SRSF12: variants seen among roughly 807,000 people sequenced by gnomAD.
The protein encoded by SRSF12 is serine/arginine-rich splicing factor 12.
SRSF12 carries 21 observed loss-of-function variants against 34.1 expected under a neutral mutation model. The observed-to-expected ratio is 0.62, with a 90% CI of 0.44 to 0.89. The LOEUF (loss-of-function observed/expected upper bound fraction) is 0.89, where lower values mean the gene tolerates loss of function less well. Ranked by LOEUF, SRSF12 falls within the 40% of genes least tolerant of loss-of-function variation. The pLI is 0.00. For missense variants in SRSF12, 278 were observed against 327.8 expected, an observed-to-expected ratio of 0.85 and a Z score of 1.17; for synonymous variants, 111 against 110.8, an observed-to-expected ratio of 1.00 and a Z score of -0.01.
intron 2 of SRSF12, chr6:89,105,752 AAAAC>A (rs1209243380): frequency 3.3e-6 from 1 of 306,576 alleles, no homozygotes; most frequent in African/African-American, 2.2e-5. Flanking sequence ...TAAAAAGAAC[AAAAC>A]AAACATGTAA....
chr6:89,115,786 G>A (rs976217558), intron 1 of SRSF12, among the ~76,000 whole-genome samples: 7 of 139,566 alleles, frequency 5.0e-5, no homozygotes, highest in South Asian at 2.6e-4. Flanking sequence ...ACAGGCACCC[G>A]CCACCACGCC....
In SRSF12 at chr6:89,107,160, T is replaced by G; in HGVS notation, c.164A>C (p.Tyr55Ser). The G allele has an allele frequency of 6.2e-7, 1 of 1,613,842 alleles. No individual in the cohort carries two copies. The highest frequency in any genetic ancestry group is 8.5e-7 in the Non-Finnish European group (1 of 1,179,814). Residue 55 changes from tyrosine (Y) to serine (S), a missense_variant, in exon 2 of 5, where the codon TAT becomes TCT. Physicochemically the swap from Tyr to Ser is moderately radical, Grantham distance 144. Transcript: ENST00000452027. The part of the protein sequence containing the change: ...FYTRRPRGFA[Y>S]VQFEDVRDAE... ...ACAATAAAATAAAGGATATTGAACATAAGCAAATCCTCTTGGGCGGCGAGT... is the reference window on the plus strand; with the variant it reads ...ACAATAAAATAAAGGATATTGAACAGAAGCAAATCCTCTTGGGCGGCGAGT...
At position 89,116,183 on chromosome 6, in the gene SRSF12, T is replaced by G. The variant is rs78110365; in HGVS notation, c.65+1640A>C. Among the ~76,000 whole-genome samples, 699 of 152,354 alleles carry G rather than the reference T, an allele frequency of 4.6e-3. 1 individual carries two copies. The highest frequency in any genetic ancestry group is 0.016 in the African/African-American group (673 of 41,582). ...CACCATCCTACTGTGCCTTATAGGC[T>G]GGCAGCTTCACTCGTTTATATTACC... On this transcript the variant is annotated intron_variant, in intron 1 of 4. Transcript: ENST00000452027.
chr6:89,103,985 A>G (rs911070022), intron 4 of SRSF12, among the ~76,000 whole-genome samples: 4 of 111,904 alleles, frequency 3.6e-5, no homozygotes, highest in East Asian at 5.6e-4. Flanking sequence ...GGATTTTATT[A>G]TATTTCTTTT....
Position 89,117,750 on chromosome 6 carries a change from C to T in SRSF12, c.65+73G>A, listed in dbSNP as rs1769381118. The T allele has an allele frequency of 7.0e-6, 10 of 1,435,132 alleles. No individual in the cohort carries two copies. In the East Asian group the frequency reaches 2.5e-4, roughly 35 times the overall value. 88.9% of individuals were successfully genotyped at this position (1,435,132 alleles called of 1,614,324 possible). On this transcript the variant is annotated intron_variant, in intron 1 of 4. Transcript: ENST00000452027. ...GCTCCCCCGAGCCTCCGCCGGGCCT[C>T]GGCCGTGCTCCGCGGCGCGGCTGTT... is the stretch of plus-strand genomic sequence containing the variant.
chr6:89,101,109 CAA>C (rs764910655), intron 4 of SRSF12, among the ~76,000 whole-genome samples: 7,747 of 54,574 alleles, frequency 0.14, 557 homozygotes, highest in African/African-American at 0.33. Flanking sequence ...ACCTCCAAGA[CAA>C]AAAAAAAAAA....
intron 1 of SRSF12, among the ~76,000 whole-genome samples, chr6:89,112,161 C>T (rs1461639108): frequency 6.6e-6 from 1 of 152,102 alleles, no homozygotes; most frequent in Non-Finnish European, 1.5e-5. Flanking sequence ...GGTGAACCGC[C>T]CGCCTCGGCC....
At chr6:89,116,632 G>A (rs185366863) in intron 1 of SRSF12, among the ~76,000 whole-genome samples, 2 of 152,068 alleles carry the variant, frequency 1.3e-5, no homozygotes, top group East Asian at 1.9e-4. Flanking sequence ...AAAATTAGCC[G>A]GGTGTGGTGG....
chr6:89,115,405 C>A (rs890005337), intron 1 of SRSF12, among the ~76,000 whole-genome samples: 3 of 152,050 alleles, frequency 2.0e-5, no homozygotes, highest in Non-Finnish European at 4.4e-5. Context: ...GCCTCAGTCT[C>A]CTGAGTAGCT....
chr6:89,107,352 A>C lies in SRSF12; in HGVS notation c.66-94T>G. ...CCACTTGAAACCTTCAAAAGAAAGA[A>C]CATCATCTAGACCAGCATTATCTAA... is the stretch of plus-strand genomic sequence containing the variant. On this transcript the variant is annotated intron_variant, in intron 1 of 4. Coordinates refer to ENST00000452027, the MANE Select transcript of SRSF12 (RefSeq NM_080743.5). 5 of 883,130 alleles carry C rather than the reference A, an allele frequency of 5.7e-6. No homozygotes were observed. The Middle Eastern group carries it at 1.0e-3, about 183-fold the overall frequency. 54.7% of individuals were successfully genotyped at this position (883,130 alleles called of 1,614,324 possible). A position where few individuals can be genotyped will look rare whatever the true frequency, so the allele number is the denominator to read the frequency against.
intron 2 of SRSF12, chr6:89,105,777 AGT>A: frequency 4.0e-6 from 1 of 249,698 alleles, no homozygotes; most frequent in Non-Finnish European, 7.6e-6. Flanking sequence ...CTGTACTTTT[AGT>A]GTCTACAATA....
rs1440581499 is a variant in SRSF12, at chr6:89,099,029, T to C, written c.417-82A>G. On this transcript the variant is annotated intron_variant, in intron 4 of 4. Transcript: ENST00000452027. ...ATAACACTTTCAGGAACTTACATAC[T>C]TTACATAACATTAGTTATATTTTTA... 3 of 1,436,758 alleles carry C rather than the reference T, an allele frequency of 2.1e-6. No homozygotes were observed. In the African/African-American group the frequency reaches 4.3e-5, roughly 21 times the overall value. The allele number at this position is 1,436,758 out of a possible 1,614,324, so 89.0% of individuals were successfully genotyped here.
Position 89,098,045 on chromosome 6 carries a change from T to C in SRSF12, c.*533A>G, listed in dbSNP as rs1768340723. ...GGAGAGAATGTATCTTTTGAATGTT[T>C]GATCTCTATATATATTCTACTTTTT... On this transcript the variant is annotated 3_prime_UTR_variant, in exon 5 of 5. Transcript: ENST00000452027. 6.6e-6 allele frequency: 1 copy of C among 152,400 alleles called. No homozygotes were observed. The highest frequency in any genetic ancestry group is 1.5e-5 in the Non-Finnish European group (1 of 68,200). The allele number at this position is 152,400 out of a possible 1,614,324, so 9.4% of individuals were successfully genotyped here.
chr6:89,108,061 T>A (rs528932019), intron 1 of SRSF12, among the ~76,000 whole-genome samples: 1 of 152,258 alleles, frequency 6.6e-6, no homozygotes, highest in South Asian at 2.1e-4. Context: ...TAAAGAAAAA[T>A]GGATGTTTTA....
intron 1 of SRSF12, among the ~76,000 whole-genome samples, chr6:89,116,762 C>G (rs553854246): frequency 2.8e-5 from 4 of 141,700 alleles, no homozygotes; most frequent in Non-Finnish European, 4.6e-5. Flanking sequence ...GGGACAAGAG[C>G]GAGACTTTGT....
chr6:89,098,828 C>T lies in SRSF12; in HGVS notation c.536G>A (p.Arg179Gln), dbSNP rs201200624. The T allele has an allele frequency of 1.5e-4, 250 of 1,613,888 alleles. No homozygotes were observed. In the East Asian group the frequency reaches 4.9e-3, roughly 32 times the overall value. ...CTTTTGTAAGGACTTGGACCTTGAC[C>T]GTCCTCTAGAGCCAAAATTCCTTCT... ...TPRRNFGSRG[R>Q]SRSKSLQKRS... is the part of the protein sequence containing the mutation. Residue 179 changes from arginine to glutamine, a missense_variant, in exon 5 of 5, where the codon CGG becomes CAG. Physicochemically the swap from Arg to Gln is conservative, Grantham distance 43. Transcript: ENST00000452027.
At position 89,118,044 on chromosome 6, in the gene SRSF12, C is replaced by T; in HGVS notation, c.-157G>A. 3.7e-6 allele frequency: 2 copies of T among 537,028 alleles called. No homozygotes were observed. Among genetic ancestry groups the T allele is most frequent in the Non-Finnish European group, 5.5e-6 (2 of 363,774 alleles). 33.3% of individuals were successfully genotyped at this position (537,028 alleles called of 1,614,324 possible). On this transcript the variant is annotated 5_prime_UTR_variant, in exon 1 of 5. Coordinates refer to ENST00000452027, the MANE Select transcript of SRSF12 (RefSeq NM_080743.5). Reference sequence around the variant, plus strand: ...CAGCGCGCAGCCGCAGAGGCCGGCGCAGAGGGGGCGCAGCGCGGCGCCAGC... The same window carrying T: ...CAGCGCGCAGCCGCAGAGGCCGGCGTAGAGGGGGCGCAGCGCGGCGCCAGC...
At chr6:89,106,545 T>C (rs964032077) in intron 2 of SRSF12, 1 of 157,964 alleles carries the variant, frequency 6.3e-6, no homozygotes, top group African/African-American at 2.4e-5. Flanking sequence ...TTATATAATA[T>C]TAAACCTAGC....
chr6:89,114,742 C>T (rs1011493282), intron 1 of SRSF12, among the ~76,000 whole-genome samples: 1 of 152,166 alleles, frequency 6.6e-6, no homozygotes, highest in East Asian at 1.9e-4. Context: ...GCCTGCATGA[C>T]GTTTAAACAT....
Sources: gnomAD v4.1 joint callset for allele counts (sites outside exome capture counted in the v4.1 genomes callset) on GRCh38, gnomAD v4.1.1 for gene constraint, MANE v1.5 for transcripts, NCBI Gene and HGNC (gene_info 2026-07-23, HGNC 2026-07-21) for gene names.